The following WDR19 variants were observed in gnomAD, a reference collection of about 807,000 sequenced individuals.
WDR19 encodes the protein WD repeat-containing protein 19.
Under a neutral mutation model 180.0 loss-of-function variants are expected in WDR19, and 121 were observed. The ratio of observed to expected loss-of-function variants is 0.67; its 90% CI spans 0.58 to 0.78. The LOEUF (loss-of-function observed/expected upper bound fraction) is 0.78. Ranked by LOEUF, WDR19 falls within the 30% of genes least tolerant of loss-of-function variation. The probability of loss-of-function intolerance (pLI) is 0.00; values close to 1 mark genes in which losing one functional copy is unlikely to be tolerated. For missense variants in WDR19, 1,450 were observed against 1,640.7 expected, an observed-to-expected ratio of 0.88 and a Z score of 2.01; for synonymous variants, 497 against 540.7, an observed-to-expected ratio of 0.92 and a Z score of 1.12.
At chr4:39,266,771 A>G (rs1734837566) in intron 29 of WDR19, among the ~76,000 whole-genome samples, 1 of 152,260 alleles carries the variant, frequency 6.6e-6, no homozygotes, top group Non-Finnish European at 1.5e-5. Context: ...GCATAAAGGT[A>G]GTTCTCTATA....
chr4:39,197,437 A>C (rs1365484237), intron 5 of WDR19, among the ~76,000 whole-genome samples: 1 of 151,610 alleles, frequency 6.6e-6, no homozygotes, highest in Non-Finnish European at 1.5e-5. Flanking sequence ...AAAAAAAAAA[A>C]AAAAAAAAGA....
At chr4:39,245,567 T>C (rs539128565) in intron 24 of WDR19, 115 bp downstream of exon 24, 2 of 1,024,020 alleles carry the variant, frequency 2.0e-6, no homozygotes, top group South Asian at 3.0e-5. Flanking sequence ...AGAAAACACC[T>C]TTAATTACCC....
rs754170448 is a variant in WDR19 at position 39,244,398 on chromosome 4, T to C, written c.2562+10T>C. 6.2e-7 allele frequency: 1 copy of C among 1,613,976 alleles called. No homozygotes were observed. Among genetic ancestry groups the C allele is most frequent in the South Asian group, 1.1e-5 (1 of 91,080 alleles). On this transcript the variant is annotated intron_variant, in intron 22 of 36. Transcript: ENST00000399820. ...ATTGGAGAATATGAAGGTCCTCTTTTCTCTGCATCAATATACATGTGGTCT... is the reference window on the plus strand; with the variant it reads ...ATTGGAGAATATGAAGGTCCTCTTTCCTCTGCATCAATATACATGTGGTCT...
At chr4:39,261,325 T>C (rs539272865) in intron 28 of WDR19, among the ~76,000 whole-genome samples, 2 of 152,074 alleles carry the variant, frequency 1.3e-5, no homozygotes, top group Non-Finnish European at 2.9e-5. Flanking sequence ...AGATTGATTA[T>C]TGGGTGTAGG....
chr4:39,184,537 G>T (rs1469643363), intron 1 of WDR19, among the ~76,000 whole-genome samples: 1 of 151,174 alleles, frequency 6.6e-6, no homozygotes, highest in Non-Finnish European at 1.5e-5. Context: ...CACCATCTCG[G>T]CTCACTGCAA....
intron 19 of WDR19, among the ~76,000 whole-genome samples, chr4:39,232,742 G>C (rs944651332): frequency 1.3e-5 from 2 of 151,288 alleles, no homozygotes; most frequent in Non-Finnish European, 2.9e-5. Context: ...TATCAAAGGA[G>C]GATCACCCCT....
rs569534411 is a variant in WDR19 at position 39,260,319 on chromosome 4, G to A, written c.3183+2765G>A. On this transcript the variant is annotated intron_variant, in intron 28 of 36. Transcript: ENST00000399820. Reference sequence around the variant, plus strand: ...CTTCCTATTCTCATCACAGCAGTAGGGCCACATCTTTTTTTTTTTTCTTTT... The same window carrying A: ...CTTCCTATTCTCATCACAGCAGTAGAGCCACATCTTTTTTTTTTTTCTTTT... Among the ~76,000 whole-genome samples, 282 of 146,950 alleles carry A rather than the reference G, an allele frequency of 1.9e-3. 1 individual carries two copies. Among genetic ancestry groups the A allele is most frequent in the African/African-American group, 6.7e-3 (269 of 39,920 alleles).
intron 24 of WDR19, among the ~76,000 whole-genome samples, chr4:39,250,441 C>T (rs1209340747): frequency 4.6e-5 from 7 of 152,210 alleles, no homozygotes; most frequent in South Asian, 4.2e-4. Flanking sequence ...CTTTGAAAAC[C>T]GTCAAAAGAC....
At chr4:39,209,711 C>CAA (rs71192833) in intron 9 of WDR19, among the ~76,000 whole-genome samples, 4,869 of 108,418 alleles carry the variant, frequency 0.045, 135 homozygotes, top group Non-Finnish European at 0.061. Flanking sequence ...GACTCTGTCT[C>CAA]AAAAAAAAAA....
At chr4:39,280,130 T>TG (rs1736346319) in intron 36 of WDR19, among the ~76,000 whole-genome samples, 1 of 113,738 alleles carries the variant, frequency 8.8e-6, no homozygotes, top group East Asian at 2.9e-4. Flanking sequence ...TTTTTTTTTT[T>TG]TTTTTTTTTT....
Position 39,199,044 on chromosome 4 carries a change from A to G in WDR19, c.407-434A>G, listed in dbSNP as rs1007515373. Among the ~76,000 whole-genome samples the G allele has an allele frequency of 4.6e-5, 7 of 151,718 alleles. No individual in the cohort carries two copies. The South Asian group carries it at 8.4e-4, about 18-fold the overall frequency. Reference sequence around the variant, plus strand: ...TAGCTGGGTGTGGTGGCATGTGCCTATAGTCCCAGCTACTTGGGACCTGAG... The same window carrying G: ...TAGCTGGGTGTGGTGGCATGTGCCTGTAGTCCCAGCTACTTGGGACCTGAG... On this transcript the variant is annotated intron_variant, in intron 5 of 36. Coordinates refer to ENST00000399820, the MANE Select transcript of WDR19 (RefSeq NM_025132.4).
chr4:39,255,032 C>T (rs1733611697), intron 26 of WDR19, among the ~76,000 whole-genome samples: 1 of 152,014 alleles, frequency 6.6e-6, no homozygotes, highest in Non-Finnish European at 1.5e-5. Flanking sequence ...TCCCAAATGA[C>T]TTCTTGCAAA....
intron 3 of WDR19, among the ~76,000 whole-genome samples, chr4:39,189,243 C>T (rs1278401791): frequency 3.9e-5 from 6 of 152,050 alleles, no homozygotes; most frequent in Non-Finnish European, 7.4e-5. Flanking sequence ...CTTATCAATA[C>T]CTTCTTGTCC....
intron 28 of WDR19, among the ~76,000 whole-genome samples, 186 bp downstream of exon 28, chr4:39,257,740 CG>C (rs200010650): frequency 2.6e-5 from 4 of 151,832 alleles, no homozygotes; most frequent in East Asian, 1.9e-4. Flanking sequence ...CCTCTTTCCC[CG>C]GTTTTTTTTT....
intron 29 of WDR19, 49 bp from the exon 30 acceptor site, chr4:39,267,946 C>T (rs1734973350): frequency 1.3e-6 from 2 of 1,517,010 alleles, no homozygotes; most frequent in Admixed American, 3.9e-5. Flanking sequence ...ATGTAATCTC[C>T]CCTTAGCTAA....
At chr4:39,259,290 C>A (rs1215112168) in intron 28 of WDR19, among the ~76,000 whole-genome samples, 6 of 152,194 alleles carry the variant, frequency 3.9e-5, no homozygotes, top group Admixed American at 3.9e-4. Context: ...ATCCTTTCCA[C>A]CACAGAATTG....
intron 20 of WDR19, among the ~76,000 whole-genome samples, chr4:39,236,157 C>G (rs1319686853): frequency 6.6e-6 from 1 of 152,056 alleles, no homozygotes; most frequent in African/African-American, 2.4e-5. Flanking sequence ...GGAAAGAAAT[C>G]ATTATATCAA....
chr4:39,182,722 T>C (rs935432780), intron 1 of WDR19, among the ~76,000 whole-genome samples, 159 bp downstream of exon 1: 2 of 151,510 alleles, frequency 1.3e-5, no homozygotes, highest in African/African-American at 4.9e-5. Flanking sequence ...GGGGCGAAGC[T>C]GAAGGGACGA....
chr4:39,260,810 C>A (rs1734212845), intron 28 of WDR19, among the ~76,000 whole-genome samples: 1 of 152,156 alleles, frequency 6.6e-6, no homozygotes, highest in Admixed American at 6.5e-5. Flanking sequence ...CCACACGTGG[C>A]CTTTCCTGTA....
Sources: allele counts gnomAD v4.1 joint callset (sites outside exome capture counted in the v4.1 genomes callset), GRCh38; gene constraint gnomAD v4.1.1; transcripts MANE v1.5; gene names NCBI Gene and HGNC (gene_info 2026-07-23, HGNC 2026-07-21).